Variants in IQCJ observed in about 807,000 individuals in gnomAD.
IQCJ encodes IQ domain-containing protein J.
A neutral mutation model predicts 11.0 loss-of-function variants in IQCJ; 9 were observed. The observed-to-expected ratio is 0.82, with a 90% confidence interval of 0.49 to 1.43. The LOEUF (loss-of-function observed/expected upper bound fraction) is 1.43. IQCJ is among the 40% of genes most tolerant of loss of function. IQCJ has a pLI of 0.00. For missense variants in IQCJ, 146 were observed against 133.2 expected, an observed-to-expected ratio of 1.10 and a Z score of -0.47; for synonymous variants, 55 against 51.3, an observed-to-expected ratio of 1.07 and a Z score of -0.31.
chr3:159,172,692 T>G (rs1159213609), intron 1 of IQCJ, among the ~76,000 whole-genome samples: 1 of 142,816 alleles, frequency 7.0e-6, no homozygotes, highest in Non-Finnish European at 1.5e-5. Flanking sequence ...AGATATTTTC[T>G]GAGTGATGCT....
At chr3:159,261,318 G>A (rs1236430429) in intron 3 of IQCJ, among the ~76,000 whole-genome samples, 1 of 152,202 alleles carries the variant, frequency 6.6e-6, no homozygotes, top group Non-Finnish European at 1.5e-5. Context: ...ACTCCCAGAA[G>A]AGGTTAGACT....
At chr3:159,069,573 G>A in intron 1 of IQCJ, 132 bp downstream of exon 1, 1 of 1,315,620 alleles carries the variant, frequency 7.6e-7, no homozygotes, top group Admixed American at 2.6e-5. Context: ...AGAACAGTGT[G>A]GGCTTAATTA....
intron 1 of IQCJ, among the ~76,000 whole-genome samples, chr3:159,178,170 C>A (rs1003250841): frequency 6.6e-6 from 1 of 152,120 alleles, no homozygotes. Flanking sequence ...TATGCTTTCT[C>A]ATATCTGGGA....
At chr3:159,166,166 C>T (rs1409307538) in intron 1 of IQCJ, among the ~76,000 whole-genome samples, 1 of 152,038 alleles carries the variant, frequency 6.6e-6, no homozygotes, top group East Asian at 1.9e-4. Context: ...TCCAAACAAA[C>T]CTTCCTTTTA....
chr3:159,196,274 T>C lies in IQCJ; in HGVS notation c.10-49569T>C, dbSNP rs114965297. On this transcript the variant is annotated intron_variant, in intron 1 of 3. Coordinates refer to ENST00000397832, the MANE Select transcript of IQCJ (RefSeq NM_001042706.3). ...CTAACAAGTCTCTGATATATAATAATGTTATAAAAAAAGGACTTTGTTAGA... is the reference window on the plus strand; with the variant it reads ...CTAACAAGTCTCTGATATATAATAACGTTATAAAAAAAGGACTTTGTTAGA... Among the ~76,000 whole-genome samples, 1,357 of 152,328 alleles carry C rather than the reference T, an allele frequency of 8.9e-3. 18 individuals carry two copies. Among genetic ancestry groups the C allele is most frequent in the African/African-American group, 0.032 (1,315 of 41,562 alleles).
chr3:159,252,161 T>C (rs1727640867), intron 2 of IQCJ, among the ~76,000 whole-genome samples: 1 of 151,920 alleles, frequency 6.6e-6, no homozygotes, highest in African/African-American at 2.4e-5. Flanking sequence ...AAGAGCTGCC[T>C]TCTCCATGAA....
At chr3:159,250,843 C>T (rs1443645218) in intron 2 of IQCJ, among the ~76,000 whole-genome samples, 1 of 152,180 alleles carries the variant, frequency 6.6e-6, no homozygotes, top group Non-Finnish European at 1.5e-5. Context: ...GGATTAGGTT[C>T]CTCCGTGATT....
intron 1 of IQCJ, among the ~76,000 whole-genome samples, chr3:159,176,991 A>G (rs1016660394): frequency 6.6e-6 from 1 of 152,188 alleles, no homozygotes; most frequent in Non-Finnish European, 1.5e-5. Flanking sequence ...TGGAAACACT[A>G]CTAGGTAGTT....
intron 1 of IQCJ, among the ~76,000 whole-genome samples, chr3:159,189,498 C>T (rs1020854492): frequency 1.6e-4 from 25 of 152,252 alleles, no homozygotes; most frequent in African/African-American, 5.8e-4. Flanking sequence ...TCTGCACAAA[C>T]TTCATTCTCT....
intron 1 of IQCJ, among the ~76,000 whole-genome samples, chr3:159,071,867 C>T (rs944942418): frequency 1.3e-5 from 2 of 152,016 alleles, no homozygotes; most frequent in African/African-American, 4.8e-5. Context: ...CACTTACTTC[C>T]CCTCATACAA....
chr3:159,155,013 C>A (rs1721437132), intron 1 of IQCJ, among the ~76,000 whole-genome samples: 1 of 152,068 alleles, frequency 6.6e-6, no homozygotes, highest in Non-Finnish European at 1.5e-5. Flanking sequence ...CCATTTCTAT[C>A]TTTCTTCCAG....
intron 1 of IQCJ, among the ~76,000 whole-genome samples, chr3:159,173,245 G>T (rs1005856765): frequency 6.6e-6 from 1 of 152,110 alleles, no homozygotes; most frequent in Admixed American, 6.5e-5. Flanking sequence ...ATTCCTTAAT[G>T]CTAGATTCTT....
At chr3:159,079,060 A>G (rs1716135554) in intron 1 of IQCJ, among the ~76,000 whole-genome samples, 1 of 152,126 alleles carries the variant, frequency 6.6e-6, no homozygotes, top group Non-Finnish European at 1.5e-5. Flanking sequence ...TGGAGGTGAC[A>G]GCCAGGAGCT....
rs910340440 is a variant in IQCJ at position 159,172,199 on chromosome 3, G to A, written c.10-73644G>A. ...AAATATTATAAAGCTTAAAATGTCCGTAAGTAGGTGATTGGCTTAATAAAT... is the reference window on the plus strand; with the variant it reads ...AAATATTATAAAGCTTAAAATGTCCATAAGTAGGTGATTGGCTTAATAAAT... On this transcript the variant is annotated intron_variant, in intron 1 of 3. Transcript: ENST00000397832. Among the ~76,000 whole-genome samples, 55 of 152,210 alleles carry A rather than the reference G, an allele frequency of 3.6e-4. No individual in the cohort carries two copies. In the East Asian group the frequency reaches 4.4e-3, roughly 12 times the overall value.
chr3:159,103,219 G>A (rs1192171928), intron 1 of IQCJ, among the ~76,000 whole-genome samples: 1 of 152,164 alleles, frequency 6.6e-6, no homozygotes, highest in African/African-American at 2.4e-5. Context: ...GTTATTAAAT[G>A]TCCTCTCAGT....
intron 1 of IQCJ, among the ~76,000 whole-genome samples, chr3:159,207,365 T>A (rs1474078697): frequency 1.3e-5 from 2 of 152,230 alleles, no homozygotes; most frequent in Non-Finnish European, 2.9e-5. Context: ...AGAAAAAGGC[T>A]TTATTGTTTT....
At chr3:159,136,958 T>A (rs1019066501) in intron 1 of IQCJ, among the ~76,000 whole-genome samples, 1 of 152,162 alleles carries the variant, frequency 6.6e-6, no homozygotes, top group African/African-American at 2.4e-5. Context: ...CAGTGACCAC[T>A]GGTATTAAGA....
chr3:159,248,671 T>G (rs752525241), intron 2 of IQCJ, among the ~76,000 whole-genome samples: 13 of 152,188 alleles, frequency 8.5e-5, no homozygotes, highest in Admixed American at 2.0e-4. Context: ...AATCAGTATT[T>G]CTTAACATCT....
intron 1 of IQCJ, among the ~76,000 whole-genome samples, chr3:159,152,089 G>A (rs928048886): frequency 1.3e-5 from 2 of 152,184 alleles, no homozygotes; most frequent in Non-Finnish European, 2.9e-5. Context: ...CACTCTACTG[G>A]ATGGGGCAGT....
Sources: allele counts gnomAD v4.1 joint callset (sites outside exome capture counted in the v4.1 genomes callset), GRCh38; gene constraint gnomAD v4.1.1; transcripts MANE v1.5; gene names NCBI Gene and HGNC (gene_info 2026-07-23, HGNC 2026-07-21).